PSD3: variants seen among roughly 807,000 people sequenced by gnomAD.
PSD3 encodes the protein pleckstrin and Sec7 domain containing 3.
PSD3 carries 49 observed loss-of-function variants against 105.5 expected under a neutral mutation model. That is an observed-to-expected ratio of 0.46 (90% CI 0.37 to 0.59). The LOEUF (loss-of-function observed/expected upper bound fraction) is 0.59. Ranked by LOEUF, PSD3 falls within the 20% of genes least tolerant of loss-of-function variation. The pLI is 0.00. For synonymous variants in PSD3, 557 were observed against 457.8 expected, an observed-to-expected ratio of 1.22 and a Z score of -2.77; for missense variants, 1,561 against 1,263.8, an observed-to-expected ratio of 1.24 and a Z score of -3.57.
rs552864662 is a variant in PSD3, at chr8:18,698,282, T to A, written c.2173-42597A>T. Among the ~76,000 whole-genome samples, 7 of 152,266 alleles carry A rather than the reference T, an allele frequency of 4.6e-5. No homozygotes were observed. In the East Asian group the frequency reaches 1.4e-3, roughly 29 times the overall value. On this transcript the variant is annotated intron_variant, in intron 9 of 15. Transcript: ENST00000327040. ...CCCACCTAGTTTTAACATTTTTTAA[T>A]TTTTTAAAAAAATTTTTGTAGAGAT...
chr8:18,587,721 G>C (rs959175673), intron 12 of PSD3, among the ~76,000 whole-genome samples: 1 of 152,088 alleles, frequency 6.6e-6, no homozygotes, highest in Non-Finnish European at 1.5e-5. Flanking sequence ...TCATTGCTTA[G>C]TGAATGCTCA....
chr8:18,699,561 C>A (rs1801455047), intron 9 of PSD3, among the ~76,000 whole-genome samples: 1 of 152,152 alleles, frequency 6.6e-6, no homozygotes, highest in East Asian at 1.9e-4. Context: ...GACTAACCTT[C>A]TACTCACTTG....
intron 11 of PSD3, among the ~76,000 whole-genome samples, chr8:18,604,295 C>G (rs1205350112): frequency 6.6e-6 from 1 of 152,086 alleles, no homozygotes; most frequent in Non-Finnish European, 1.5e-5. Flanking sequence ...TATGCCTTAC[C>G]AAAGAACATG....
chr8:18,591,717 T>G (rs1803623811), intron 12 of PSD3, among the ~76,000 whole-genome samples: 1 of 152,016 alleles, frequency 6.6e-6, no homozygotes, highest in Non-Finnish European at 1.5e-5. Context: ...CATTCTGGCT[T>G]TTTGGAGGGC....
chr8:18,696,144 A>C (rs890259374), intron 9 of PSD3, among the ~76,000 whole-genome samples: 3 of 152,034 alleles, frequency 2.0e-5, no homozygotes, highest in African/African-American at 7.2e-5. Flanking sequence ...TTCTCCACCG[A>C]CCTCCGGTCC....
At chr8:18,916,341 T>TACACACAC (rs1820597292) in intron 2 of PSD3, among the ~76,000 whole-genome samples, 2 of 44,898 alleles carry the variant, frequency 4.5e-5, no homozygotes. Context: ...TATATATATA[T>TACACACAC]ATATATATAC....
At chr8:18,820,828 A>G (rs1462596588) in intron 4 of PSD3, among the ~76,000 whole-genome samples, 4 of 151,732 alleles carry the variant, frequency 2.6e-5, no homozygotes, top group African/African-American at 9.7e-5. Flanking sequence ...CAGTGGCGGA[A>G]CTGCAGCCTC....
chr8:18,957,175 A>T (rs1476676240), intron 1 of PSD3, among the ~76,000 whole-genome samples: 1 of 152,030 alleles, frequency 6.6e-6, no homozygotes, highest in Non-Finnish European at 1.5e-5. Flanking sequence ...GATTGAGACC[A>T]TCCTGGCCAA....
At chr8:19,011,483 T>C (rs991438044) in intron 1 of PSD3, among the ~76,000 whole-genome samples, 49 of 152,344 alleles carry the variant, frequency 3.2e-4, no homozygotes, top group African/African-American at 1.2e-3. Flanking sequence ...GGCAGAGCCA[T>C]TGACTGAAAG....
At chr8:19,019,320 A>G (rs1056245349) in intron 1 of PSD3, among the ~76,000 whole-genome samples, 2 of 152,212 alleles carry the variant, frequency 1.3e-5, no homozygotes, top group African/African-American at 4.8e-5. Context: ...AAAAAAGAAA[A>G]AAACTAAGTA....
At chr8:19,069,122 C>T (rs1297298403) in intron 1 of PSD3, among the ~76,000 whole-genome samples, 1 of 152,134 alleles carries the variant, frequency 6.6e-6, no homozygotes, top group African/African-American at 2.4e-5. Context: ...CCACCCAGTG[C>T]GGTAATTATT....
intron 9 of PSD3, among the ~76,000 whole-genome samples, chr8:18,743,925 A>T (rs1051016365): frequency 2.0e-5 from 3 of 150,646 alleles, no homozygotes; most frequent in African/African-American, 7.4e-5. Context: ...GCTATATTGC[A>T]CTCCAGCCTG....
intron 1 of PSD3, among the ~76,000 whole-genome samples, chr8:19,026,308 G>A (rs1198754490): frequency 1.3e-5 from 2 of 152,098 alleles, no homozygotes; most frequent in Non-Finnish European, 2.9e-5. Flanking sequence ...CTTTTTGACT[G>A]CCAAATTACA....
intron 4 of PSD3, among the ~76,000 whole-genome samples, chr8:18,838,257 T>C (rs1814297773): frequency 1.3e-5 from 2 of 152,214 alleles, no homozygotes; most frequent in South Asian, 4.1e-4. Flanking sequence ...GATGGCTTTA[T>C]GTGATCAAGA....
At chr8:18,618,141 A>C (rs899739759) in intron 11 of PSD3, among the ~76,000 whole-genome samples, 1 of 152,202 alleles carries the variant, frequency 6.6e-6, no homozygotes, top group Admixed American at 6.5e-5. Flanking sequence ...TGCTGACTAT[A>C]ACTCTTCAGA....
intron 1 of PSD3, among the ~76,000 whole-genome samples, chr8:18,980,707 G>T (rs1171534589): frequency 6.6e-6 from 1 of 151,704 alleles, no homozygotes; most frequent in Non-Finnish European, 1.5e-5. Flanking sequence ...CTGCTTTTGG[G>T]CTTTCATTAT....
At chr8:18,858,877 T>C (rs1816224488) in intron 4 of PSD3, among the ~76,000 whole-genome samples, 1 of 152,208 alleles carries the variant, frequency 6.6e-6, no homozygotes. Flanking sequence ...AAGGTTGGAA[T>C]TAACATCTTC....
In PSD3 at chr8:18,934,450, G is replaced by A. The variant is rs1023179473; in HGVS notation, c.130+1584C>T. On this transcript the variant is annotated intron_variant, in intron 2 of 15. Transcript: ENST00000327040. ...TTTTGAGACGGAGTCTCGCTCTATC[G>A]CCCAGGCTGGAGTGCAGTGGCGTGA... Among the ~76,000 whole-genome samples, 5 of 151,754 alleles carry A rather than the reference G, an allele frequency of 3.3e-5. No individual in the cohort carries two copies. In the South Asian group the frequency reaches 8.3e-4, roughly 25 times the overall value.
chr8:18,757,749 T>C (rs1289323828), intron 9 of PSD3, among the ~76,000 whole-genome samples: 1 of 152,222 alleles, frequency 6.6e-6, no homozygotes, highest in African/African-American at 2.4e-5. Flanking sequence ...GAGTAAAACA[T>C]GACAATAAAC....
Sources: allele counts gnomAD v4.1 joint callset (sites outside exome capture counted in the v4.1 genomes callset), GRCh38; gene constraint gnomAD v4.1.1; transcripts MANE v1.5; gene names NCBI Gene and HGNC (gene_info 2026-07-23, HGNC 2026-07-21).